EQTN: variants seen among roughly 807,000 people sequenced by gnomAD.
EQTN encodes equatorin, also known as Acrosome formation associated factor.
A neutral mutation model predicts 26.9 loss-of-function variants in EQTN; 29 were observed. The observed-to-expected ratio is 1.08, with a 90% CI of 0.80 to 1.47. EQTN has a LOEUF of 1.47. Ranked by LOEUF, EQTN falls within the 40% of genes most tolerant of loss-of-function variation. EQTN has a pLI of 0.00. For synonymous variants in EQTN, 129 were observed against 120.0 expected (o/e 1.07, Z -0.49); for missense variants, 391 against 346.1 (o/e 1.13, Z -1.03).
intron 6 of EQTN, 84 bp downstream of exon 6, chr9:27,289,588 G>A (rs908811087): frequency 2.2e-5 from 25 of 1,151,896 alleles, no homozygotes; most frequent in African/African-American, 3.1e-5. Context: ...GGACTCAAGC[G>A]ATCCACCTGC....
chr9:27,292,524 A>G (rs1050824310), intron 3 of EQTN, 37 bp from the exon 4 acceptor site: 1 of 1,267,924 alleles, frequency 7.9e-7, no homozygotes, highest in Non-Finnish European at 1.1e-6. Context: ...GCATGTAAAA[A>G]TACTGACGAA....
In EQTN at chr9:27,284,953, G is replaced by C; in HGVS notation, c.655C>G (p.Gln219Glu). The C allele has an allele frequency of 6.2e-7, 1 of 1,612,938 alleles. No individual in the cohort carries two copies. Among genetic ancestry groups the C allele is most frequent in the Admixed American group, 1.7e-5 (1 of 59,780 alleles). Residue 219 changes from glutamine (Q) to glutamate (E), a missense_variant, in exon 8 of 8, where the codon CAG becomes GAG. Physicochemically the swap from Gln to Glu is conservative, Grantham distance 29 (BLOSUM62 2). Coordinates refer to ENST00000380032, the MANE Select transcript of EQTN (RefSeq NM_020641.3). The part of the protein sequence containing the change: ...RHLSYKSCES[Q>E]YSVNPELATM... Reference sequence around the variant, plus strand: ...GCCAGCTCTGGGTTGACAGAGTACTGACTCTCACAACTTTTATAACTGAAG... The same window carrying C: ...GCCAGCTCTGGGTTGACAGAGTACTCACTCTCACAACTTTTATAACTGAAG...
intron 3 of EQTN, among the ~76,000 whole-genome samples, chr9:27,294,011 T>G (rs1034455832): frequency 6.6e-6 from 1 of 152,230 alleles, no homozygotes. Flanking sequence ...AGTTATCATT[T>G]AATTTTTCTT....
intron 6 of EQTN, among the ~76,000 whole-genome samples, chr9:27,286,928 C>T (rs1376175709): frequency 6.6e-6 from 1 of 152,066 alleles, no homozygotes; most frequent in Non-Finnish European, 1.5e-5. Context: ...GTGTACTTCA[C>T]ATTACAAAAA....
At position 27,292,445 on chromosome 9, in the gene EQTN, T is replaced by C. The variant is rs143601243; in HGVS notation, c.332A>G (p.Glu111Gly). ...NATTYEKSTIEEETTTSEPSH... is the reference protein window; with the variant it reads ...NATTYEKSTIGEETTTSEPSH... Reference sequence around the variant, plus strand: ...GGGTTCGCTAGTAGTTGTTTCTTCTTCAATGGTGGATTTTTCATATGTAGT... The same window carrying C: ...GGGTTCGCTAGTAGTTGTTTCTTCTCCAATGGTGGATTTTTCATATGTAGT... Residue 111 changes from glutamate (E) to glycine (G), a missense_variant, in exon 4 of 8, where the codon GAA (glutamate) becomes GGA (glycine). Physicochemically the swap from Glu to Gly is moderately conservative, Grantham distance 98. Transcript: ENST00000380032. The C allele has an allele frequency of 5.9e-5, 95 of 1,609,696 alleles. No individual in the cohort carries two copies. The African/African-American group carries it at 9.3e-4, about 16-fold the overall frequency.
rs201536865 is a variant in EQTN, at chr9:27,290,213, AG to A, written c.422-483del. Among the ~76,000 whole-genome samples the A allele has an allele frequency of 3.6e-3, 548 of 152,320 alleles. 5 individuals are homozygous for A. Among genetic ancestry groups the A allele is most frequent in the Admixed American group, 8.2e-3 (125 of 15,298 alleles). On this transcript the variant is annotated intron_variant, in intron 5 of 7. Coordinates refer to ENST00000380032, the MANE Select transcript of EQTN (RefSeq NM_020641.3). ...TAAACAGCAAAATCATCAACAAAAAAGCACAAAAAATGCAAAAAACGTGGCA... is the reference window on the plus strand; with the variant it reads ...TAAACAGCAAAATCATCAACAAAAAACACAAAAAATGCAAAAAACGTGGCA...
At position 27,293,957 on chromosome 9, in the gene EQTN, C is replaced by T. The variant is rs541320688; in HGVS notation, c.289+359G>A. 9.2e-5 allele frequency among the ~76,000 whole-genome samples: 14 copies of T among 152,226 alleles called. No individual in the cohort carries two copies. In the East Asian group the frequency reaches 1.3e-3, roughly 15 times the overall value. Reference sequence around the variant, plus strand: ...GACAAAAATCAGAAAGGCAAAAAAACGTGGGTTTAAGAAAGATGTAAATTT... The same window carrying T: ...GACAAAAATCAGAAAGGCAAAAAAATGTGGGTTTAAGAAAGATGTAAATTT... On this transcript the variant is annotated intron_variant, in intron 3 of 7. Coordinates refer to ENST00000380032, the MANE Select transcript of EQTN (RefSeq NM_020641.3).
chr9:27,285,756 T>C (rs1312665452), intron 7 of EQTN, among the ~76,000 whole-genome samples: 1 of 152,196 alleles, frequency 6.6e-6, no homozygotes, highest in Non-Finnish European at 1.5e-5. Flanking sequence ...TGTTAAATAA[T>C]TCCTTCAATC....
rs1023040823 is a variant in EQTN at position 27,286,216 on chromosome 9, G to A, written c.628C>T (p.His210Tyr). ...FCSATLYKLR[H>Y]LSYKSCESQY... ...AGAGGTCTGCAGACTTACCTCAGAT[G>A]CCTCAGTTTGTACAGTGTAGCACTA... The change falls in exon 7 of 8, where the codon CAT becomes TAT. Residue 210 changes from histidine (H) to tyrosine (Y), a missense_variant. His to Tyr is a moderately conservative substitution (Grantham distance 83). Coordinates refer to ENST00000380032, the MANE Select transcript of EQTN (RefSeq NM_020641.3). The A allele has an allele frequency of 1.9e-6, 3 of 1,613,700 alleles. No individual in the cohort carries two copies. Among genetic ancestry groups the A allele is most frequent in the Admixed American group, 1.7e-5 (1 of 59,976 alleles).
intron 6 of EQTN, among the ~76,000 whole-genome samples, chr9:27,288,147 C>G (rs913392986): frequency 1.3e-5 from 2 of 152,140 alleles, no homozygotes; most frequent in African/African-American, 2.4e-5. Flanking sequence ...CTTATCAATC[C>G]AGTGCACAAA....
chr9:27,294,094 G>T (rs995944186), intron 3 of EQTN, among the ~76,000 whole-genome samples: 1 of 152,204 alleles, frequency 6.6e-6, no homozygotes, highest in Non-Finnish European at 1.5e-5. Context: ...CAGTGTAATG[G>T]ATGTGGAGTC....
chr9:27,294,942 C>T (rs940069491), intron 2 of EQTN, among the ~76,000 whole-genome samples: 2 of 152,154 alleles, frequency 1.3e-5, no homozygotes, highest in East Asian at 1.9e-4. Flanking sequence ...ATATTCCCCC[C>T]GCCAAAGGAT....
intron 6 of EQTN, among the ~76,000 whole-genome samples, chr9:27,287,598 A>G (rs1820147322): frequency 6.6e-6 from 1 of 152,212 alleles, no homozygotes; most frequent in African/African-American, 2.4e-5. Context: ...AACTTCATGG[A>G]GTTGCTGTGA....
At chr9:27,295,794 T>G (rs1404305475) in intron 2 of EQTN, among the ~76,000 whole-genome samples, 1 of 120,658 alleles carries the variant, frequency 8.3e-6, no homozygotes, top group Non-Finnish European at 1.6e-5. Context: ...ATTGCGCCAC[T>G]GCACTCCAGC....
At chr9:27,285,096 C>T (rs1235874923) in intron 7 of EQTN, 124 bp from the exon 8 acceptor site, 12 of 326,470 alleles carry the variant, frequency 3.7e-5, no homozygotes, top group Non-Finnish European at 5.7e-5. Flanking sequence ...TACTTAGTAA[C>T]ATTATGTGAA....
intron 6 of EQTN, among the ~76,000 whole-genome samples, 160 bp from the exon 7 acceptor site, chr9:27,286,522 C>T (rs1444759674): frequency 3.9e-5 from 6 of 152,236 alleles, no homozygotes; most frequent in African/African-American, 1.4e-4. Flanking sequence ...GAAAGCTACT[C>T]TCTAAAGCCA....
chr9:27,291,326 C>T (rs760568755), intron 4 of EQTN, among the ~76,000 whole-genome samples: 1 of 152,202 alleles, frequency 6.6e-6, no homozygotes, highest in Admixed American at 6.5e-5. Context: ...AATGGAAATG[C>T]ACAGGTGGTA....
chr9:27,289,804 T>G, intron 5 of EQTN, 73 bp from the exon 6 acceptor site: 2 of 1,207,506 alleles, frequency 1.7e-6, no homozygotes, highest in South Asian at 2.9e-5. Context: ...TGTATGTGTA[T>G]GTATAATTAT....
In EQTN at chr9:27,293,444, C is replaced by A. The variant is rs898287614; in HGVS notation, c.289+872G>T. 2.0e-5 allele frequency among the ~76,000 whole-genome samples: 3 copies of A among 152,304 alleles called. No individual in the cohort carries two copies. The East Asian group carries it at 5.8e-4, about 29-fold the overall frequency. ...CCGCAGATCTCCATCTTCCTGGGGGCTTGCTCCTCTAGAACGTCCCTACCA... is the reference window on the plus strand; with the variant it reads ...CCGCAGATCTCCATCTTCCTGGGGGATTGCTCCTCTAGAACGTCCCTACCA... On this transcript the variant is annotated intron_variant, in intron 3 of 7. Transcript: ENST00000380032.
Sources: allele counts gnomAD v4.1 joint callset (sites outside exome capture counted in the v4.1 genomes callset), GRCh38; gene constraint gnomAD v4.1.1; transcripts MANE v1.5; gene names NCBI Gene and HGNC (gene_info 2026-07-23, HGNC 2026-07-21).